Variants in UTRN observed in about 807,000 individuals in gnomAD.
The protein encoded by UTRN is utrophin, also known as dystrophin-related protein 1.
A neutral mutation model predicts 463.9 loss-of-function variants in UTRN; 283 were observed. The ratio of observed to expected loss-of-function variants is 0.61; its 90% CI spans 0.55 to 0.67. The LOEUF (loss-of-function observed/expected upper bound fraction) is 0.67. Among genes scored for constraint, UTRN ranks in the 30% least tolerant of loss-of-function variants. The pLI, the probability that UTRN is intolerant of heterozygous loss-of-function variation, is 0.00. For missense variants in UTRN, 3,922 were observed against 4,084.3 expected, an observed-to-expected ratio of 0.96 and a Z score of 1.08; for synonymous variants, 1,442 against 1,431.5, an observed-to-expected ratio of 1.01 and a Z score of -0.17.
chr6:144,663,174 C>T (rs369726059), intron 51 of UTRN, among the ~76,000 whole-genome samples: 5 of 152,196 alleles, frequency 3.3e-5, no homozygotes, highest in Admixed American at 6.5e-5. Context: ...CATGCCAACT[C>T]GAGTGGTACC....
chr6:144,399,271 T>G (rs1301004192), intron 2 of UTRN, among the ~76,000 whole-genome samples: 1 of 152,144 alleles, frequency 6.6e-6, no homozygotes, highest in Non-Finnish European at 1.5e-5. Flanking sequence ...TGGGTGTGAT[T>G]GGGTGTGATG....
At chr6:144,644,863 G>A (rs1239287911) in intron 51 of UTRN, among the ~76,000 whole-genome samples, 2 of 152,172 alleles carry the variant, frequency 1.3e-5, no homozygotes, top group African/African-American at 2.4e-5. Flanking sequence ...CTTTTCCCAA[G>A]AAATTCCTCA....
chr6:144,492,526 T>A (rs6935011), intron 32 of UTRN, among the ~76,000 whole-genome samples: 55,970 of 152,114 alleles, frequency 0.37, 12,930 homozygotes, highest in African/African-American at 0.66. Context: ...CCTCCTTTAC[T>A]TATATACCCA....
In UTRN at chr6:144,285,724, C is replaced by G. The variant is rs1018149976; in HGVS notation, c.-190C>G. On this transcript the variant is annotated 5_prime_UTR_variant, in exon 1 of 75. Transcript: ENST00000367545. ...ACCACCAAACTAACACTCGCACACA[C>G]CCCCGCGGTTACTCCGTGTCAAACT... The G allele has an allele frequency of 2.0e-5, 3 of 152,102 alleles. No homozygotes were observed. The highest frequency in any genetic ancestry group is 7.2e-5 in the African/African-American group (3 of 41,410). 9.4% of individuals were successfully genotyped at this position (152,102 alleles called of 1,614,324 possible).
At chr6:144,590,019 G>C (rs1562615606) in intron 51 of UTRN, among the ~76,000 whole-genome samples, 1 of 151,708 alleles carries the variant, frequency 6.6e-6, no homozygotes, top group Non-Finnish European at 1.5e-5. Context: ...ACCACACCGG[G>C]CTAATTTTTT....
At chr6:144,536,880 A>G (rs1797585869) in intron 43 of UTRN, among the ~76,000 whole-genome samples, 1 of 152,054 alleles carries the variant, frequency 6.6e-6, no homozygotes, top group African/African-American at 2.4e-5. Context: ...TTCTTATAAC[A>G]CTATAAAGAT....
intron 1 of UTRN, among the ~76,000 whole-genome samples, chr6:144,290,896 C>T (rs948660859): frequency 6.6e-6 from 1 of 150,812 alleles, no homozygotes; most frequent in African/African-American, 2.4e-5. Flanking sequence ...TCCTGAGTAG[C>T]TGGGATTACA....
chr6:144,606,023 A>G (rs924831256), intron 51 of UTRN, among the ~76,000 whole-genome samples: 1 of 152,092 alleles, frequency 6.6e-6, no homozygotes, highest in African/African-American at 2.4e-5. Flanking sequence ...GATTTTTTTC[A>G]TGTCTTAACA....
intron 27 of UTRN, among the ~76,000 whole-genome samples, chr6:144,482,782 A>G (rs940337661): frequency 3.9e-5 from 6 of 152,176 alleles, no homozygotes; most frequent in African/African-American, 1.2e-4. Flanking sequence ...TGCCTGGTTG[A>G]GTACATAGAG....
intron 60 of UTRN, among the ~76,000 whole-genome samples, chr6:144,779,908 G>C (rs1356444190): frequency 6.6e-6 from 1 of 151,436 alleles, no homozygotes; most frequent in Admixed American, 6.6e-5. Context: ...GAAATGGATT[G>C]GTTCGTTATC....
Position 144,423,984 on chromosome 6 carries a change from A to T in UTRN, c.313-2A>T, listed in dbSNP as rs776087499. On this transcript the variant is annotated splice_acceptor_variant, in intron 5 of 74. Coordinates refer to ENST00000367545, the MANE Select transcript of UTRN (RefSeq NM_007124.3). LOFTEE classifies it high-confidence loss of function. ...TTTTTGTTTTTTGTTTTGTCTTAAT[A>T]GGTGGAATTAGTGAATATAGGGGGA... The T allele has an allele frequency of 6.2e-7, 1 of 1,613,038 alleles. No individual in the cohort carries two copies. Among genetic ancestry groups the T allele is most frequent in the East Asian group, 2.2e-5 (1 of 44,878 alleles).
chr6:144,461,492 T>G, intron 22 of UTRN, 150 bp downstream of exon 22: 1 of 911,634 alleles, frequency 1.1e-6, no homozygotes, highest in Non-Finnish European at 1.5e-6. Flanking sequence ...GAGGGTTAGT[T>G]TGACCTCACA....
chr6:144,839,415 T>G (rs1193661380), intron 72 of UTRN, 131 bp downstream of exon 72: 1 of 618,980 alleles, frequency 1.6e-6, no homozygotes, highest in Non-Finnish European at 2.7e-6. Flanking sequence ...GTATTTGGTC[T>G]TAAATAGGTG....
chr6:144,460,222 G>A (rs972773685), intron 21 of UTRN, among the ~76,000 whole-genome samples: 2 of 152,108 alleles, frequency 1.3e-5, no homozygotes, highest in African/African-American at 2.4e-5. Context: ...AATACACTTG[G>A]TTTTGGAAGG....
At chr6:144,483,638 G>A (rs539356624) in intron 27 of UTRN, among the ~76,000 whole-genome samples, 1 of 152,168 alleles carries the variant, frequency 6.6e-6, no homozygotes, top group South Asian at 2.1e-4. Context: ...TGTAGAGATG[G>A]GGGTCTTGCT....
intron 34 of UTRN, among the ~76,000 whole-genome samples, chr6:144,503,632 A>C (rs1400337622): frequency 6.6e-6 from 1 of 152,178 alleles, no homozygotes. Flanking sequence ...TACCAGTACC[A>C]TGCTGTTTTG....
chr6:144,624,936 A>ATGTGTTTTCTCT (rs1033673002), intron 51 of UTRN, among the ~76,000 whole-genome samples: 2 of 151,966 alleles, frequency 1.3e-5, no homozygotes, highest in Admixed American at 6.5e-5. Flanking sequence ...AGAGAGCGGA[A>ATGTGTTTTCTCT]TGTGTTTTCT....
intron 73 of UTRN, among the ~76,000 whole-genome samples, chr6:144,841,607 A>G (rs4642498): frequency 0.11 from 16,710 of 152,182 alleles, 1,256 homozygotes; most frequent in East Asian, 0.44. Flanking sequence ...ATACATATAT[A>G]TACACACACA....
intron 34 of UTRN, among the ~76,000 whole-genome samples, chr6:144,505,801 A>G (rs1337661845): frequency 6.6e-6 from 1 of 152,140 alleles, no homozygotes. Context: ...CAAGTCCTGA[A>G]TATCCTTGTT....
Sources: allele counts gnomAD v4.1 joint callset (sites outside exome capture counted in the v4.1 genomes callset), GRCh38; gene constraint gnomAD v4.1.1; transcripts MANE v1.5; gene names NCBI Gene and HGNC (gene_info 2026-07-23, HGNC 2026-07-21).